Variants in PIAS4 observed in about 807,000 individuals in gnomAD.
PIAS4 encodes the protein E3 SUMO-protein ligase PIAS4.
In PIAS4, 7 loss-of-function variants were observed where a neutral mutation model predicts 58.0. The observed-to-expected ratio is 0.12, with a 90% CI of 0.07 to 0.23. PIAS4 has a LOEUF of 0.23. Ranked by LOEUF, PIAS4 falls within the 10% of genes least tolerant of loss-of-function variation. The pLI, the probability that PIAS4 is intolerant of heterozygous loss-of-function variation, is 1.00. For synonymous variants in PIAS4, 364 were observed against 312.4 expected, an observed-to-expected ratio of 1.17 and a Z score of -1.74; for missense variants, 550 against 709.5, an observed-to-expected ratio of 0.78 and a Z score of 2.55.
At chr19:4,020,525 A>G (rs993416472) in intron 2 of PIAS4, among the ~76,000 whole-genome samples, 2 of 152,180 alleles carry the variant, frequency 1.3e-5, no homozygotes, top group African/African-American at 4.8e-5. Flanking sequence ...TATTTTTTAC[A>G]CTTATAAACA....
chr19:4,008,689 C>T (rs955594964), intron 1 of PIAS4, among the ~76,000 whole-genome samples: 3 of 152,136 alleles, frequency 2.0e-5, no homozygotes, highest in Non-Finnish European at 4.4e-5. Context: ...CTAAACCTCA[C>T]CTGTGCAGCA....
chr19:4,037,687 G>T lies in PIAS4; in HGVS notation c.1345G>T (p.Gly449Cys). The T allele has an allele frequency of 6.2e-7, 1 of 1,612,010 alleles. No individual in the cohort carries two copies. The highest frequency in any genetic ancestry group is 8.5e-7 in the Non-Finnish European group (1 of 1,179,652). Residue 449 changes from glycine to cysteine, a missense_variant, in exon 11 of 11, where the codon GGC becomes TGC. Gly to Cys is a radical substitution (Grantham distance 159). Around this residue, in one of 4 missense-constraint regions of PIAS4, gnomAD observed 188 missense variants for 192.0 expected, o/e 0.98. Transcript: ENST00000262971. The surrounding 1 kb of genome is among the most constrained non-coding windows in gnomAD (Gnocchi z 5.8). ...GAGCGGTGCCCTGGGCAGCACGGGT[G>T]GCGGCGGCCCGGTGGGCAGCATGGA... ...NGSGALGSTG[G>C]GGPVGSMENG...
chr19:4,037,927 G>C lies in PIAS4; in HGVS notation c.*52G>C. The C allele has an allele frequency of 6.5e-7, 1 of 1,529,218 alleles. No homozygotes were observed. Among genetic ancestry groups the C allele is most frequent in the African/African-American group, 1.4e-5 (1 of 72,564 alleles). 94.7% of individuals were successfully genotyped at this position (1,529,218 alleles called of 1,614,324 possible). On this transcript the variant is annotated 3_prime_UTR_variant, in exon 11 of 11. Transcript: ENST00000262971. This position sits in a 1 kb window ranked among gnomAD's most constrained non-coding sequence, Gnocchi z 5.8. ...GTGCTCACCACGCAGAGGGGCACGG[G>C]CCAGCCTCGGGCGCAGAGGGAGGAG...
chr19:4,019,543 C>T (rs1247194118), intron 2 of PIAS4, among the ~76,000 whole-genome samples: 1 of 152,200 alleles, frequency 6.6e-6, no homozygotes, highest in East Asian at 1.9e-4. Context: ...TGTGTTTTCA[C>T]CTCCGACCCA....
At chr19:4,019,933 T>G (rs2040092216) in intron 2 of PIAS4, among the ~76,000 whole-genome samples, 1 of 151,480 alleles carries the variant, frequency 6.6e-6, no homozygotes, top group South Asian at 2.1e-4. Context: ...TTTTTTTTTT[T>G]TTTGAAATGG....
intron 9 of PIAS4, among the ~76,000 whole-genome samples, chr19:4,035,914 AC>A: frequency 2.9e-4 from 6 of 20,504 alleles, no homozygotes; most frequent in Admixed American, 5.3e-4. Flanking sequence ...ACACCGTCTC[AC>A]ACACACACCT....
chr19:4,020,409 C>T (rs746673663), intron 2 of PIAS4, among the ~76,000 whole-genome samples: 1 of 152,080 alleles, frequency 6.6e-6, no homozygotes, highest in African/African-American at 2.4e-5. Context: ...AGGGGCAGTT[C>T]GCCATCCCTG....
At chr19:4,033,224 C>T in intron 8 of PIAS4, 51 bp downstream of exon 8, 1 of 1,545,738 alleles carries the variant, frequency 6.5e-7, no homozygotes, top group Non-Finnish European at 8.9e-7. Flanking sequence ...GGCCGGCCTT[C>T]CCCCCTGGCG....
chr19:4,032,780 G>A (rs1445569384), intron 7 of PIAS4, among the ~76,000 whole-genome samples: 1 of 152,188 alleles, frequency 6.6e-6, no homozygotes, highest in African/African-American at 2.4e-5. Context: ...TGACTCTTTC[G>A]GTGGCTGTGT....
chr19:4,008,857 T>C (rs1307576367), intron 1 of PIAS4, among the ~76,000 whole-genome samples: 1 of 151,900 alleles, frequency 6.6e-6, no homozygotes, highest in Non-Finnish European at 1.5e-5. Context: ...CTGCCTATTC[T>C]CTTTTGTTGA....
chr19:4,033,280 C>A, intron 8 of PIAS4, 107 bp downstream of exon 8: 2 of 1,350,768 alleles, frequency 1.5e-6, no homozygotes, highest in Non-Finnish European at 2.0e-6. Flanking sequence ...CCTGCGGGGG[C>A]GAGGCTGGTC....
intron 2 of PIAS4, among the ~76,000 whole-genome samples, chr19:4,020,452 C>T (rs1314183578): frequency 2.6e-5 from 4 of 151,788 alleles, no homozygotes; most frequent in East Asian, 1.9e-4. Flanking sequence ...CTCGTTGTCT[C>T]GTCTCCCGGC....
chr19:4,008,145 T>G (rs1365199727), intron 1 of PIAS4, among the ~76,000 whole-genome samples: 1 of 152,006 alleles, frequency 6.6e-6, no homozygotes, highest in Non-Finnish European at 1.5e-5. Context: ...GTTGAGCTAC[T>G]CGTTGCCCTC....
At chr19:4,009,223 G>A (rs756416541) in intron 1 of PIAS4, among the ~76,000 whole-genome samples, 1 of 151,892 alleles carries the variant, frequency 6.6e-6, no homozygotes, top group East Asian at 1.9e-4. Context: ...TTACCCCCTG[G>A]GATCTGAAAA....
intron 9 of PIAS4, among the ~76,000 whole-genome samples, chr19:4,035,897 A>C (rs1288757260): frequency 3.5e-4 from 36 of 104,028 alleles, no homozygotes; most frequent in Admixed American, 4.9e-4. Context: ...ACACATCCAT[A>C]CAGTCCACAC....
chr19:4,014,943 G>C (rs1327773823), intron 2 of PIAS4, among the ~76,000 whole-genome samples: 1 of 152,234 alleles, frequency 6.6e-6, no homozygotes, highest in East Asian at 1.9e-4. Context: ...GGAGGAAGGT[G>C]CTGTCGGTGG....
intron 1 of PIAS4, among the ~76,000 whole-genome samples, chr19:4,012,345 C>T (rs1467424732): frequency 1.3e-5 from 2 of 152,078 alleles, no homozygotes; most frequent in Non-Finnish European, 2.9e-5. Context: ...ACACACCAGC[C>T]TAGCAGGGGT....
At chr19:4,014,212 C>T (rs1296072864) in intron 2 of PIAS4, among the ~76,000 whole-genome samples, 3 of 152,152 alleles carry the variant, frequency 2.0e-5, no homozygotes, top group Admixed American at 2.0e-4. Flanking sequence ...TTCTCTCTCT[C>T]GTGTCTTTGT....
intron 9 of PIAS4, among the ~76,000 whole-genome samples, chr19:4,035,869 T>TAA (rs2040271627): frequency 4.0e-4 from 1 of 2,512 alleles, no homozygotes; most frequent in Non-Finnish European, 8.0e-4. Context: ...GTCCACACCG[T>TAA]CTCACACACA....
Sources: gnomAD v4.1 joint callset for allele counts (sites outside exome capture counted in the v4.1 genomes callset) on GRCh38, gnomAD v4.1.1 for gene constraint, gnomAD v4.1.1 regional missense constraint, Gnocchi (gnomAD v3.1) non-coding constraint, MANE v1.5 for transcripts, NCBI Gene and HGNC (gene_info 2026-07-23, HGNC 2026-07-21) for gene names.